Variants in NRXN1 observed in about 807,000 individuals in gnomAD.
NRXN1 encodes the protein neurexin 1, also known as neurexin-1.
In NRXN1, 39 loss-of-function variants were observed where a neutral mutation model predicts 150.9. That is an observed-to-expected ratio of 0.26 (90% CI 0.20 to 0.34). The LOEUF is 0.34. Among genes scored for constraint, NRXN1 ranks in the 10% least tolerant of loss-of-function variants. The probability of loss-of-function intolerance (pLI) is 1.00; values close to 1 mark genes in which losing one functional copy is unlikely to be tolerated. For missense variants in NRXN1, 1,815 were observed against 1,949.9 expected (o/e 0.93, Z 1.30); for synonymous variants, 924 against 757.0 (o/e 1.22, Z -3.62).
At chr2:50,834,698 A>T (rs928808219) in intron 5 of NRXN1, among the ~76,000 whole-genome samples, 39 of 152,170 alleles carry the variant, frequency 2.6e-4, no homozygotes, top group African/African-American at 7.7e-4. Context: ...TATCTGTATT[A>T]GATAAGAAGT....
At chr2:50,677,283 G>A (rs1172989365) in intron 5 of NRXN1, among the ~76,000 whole-genome samples, 3 of 152,118 alleles carry the variant, frequency 2.0e-5, no homozygotes, top group Non-Finnish European at 4.4e-5. Context: ...GTTTTCAATG[G>A]CCAACATAAT....
chr2:50,801,493 A>T (rs1574521759), intron 5 of NRXN1, among the ~76,000 whole-genome samples: 1 of 152,188 alleles, frequency 6.6e-6, no homozygotes, highest in African/African-American at 2.4e-5. Context: ...GGATATAATA[A>T]GGTCTAAATG....
At chr2:49,952,797 A>C (rs1674205178) in intron 21 of NRXN1, among the ~76,000 whole-genome samples, 1 of 152,128 alleles carries the variant, frequency 6.6e-6, no homozygotes, top group Non-Finnish European at 1.5e-5. Flanking sequence ...TACTGTCTTC[A>C]CAATGTAAGT....
At chr2:50,212,821 T>A (rs1048073848) in intron 18 of NRXN1, among the ~76,000 whole-genome samples, 4 of 152,054 alleles carry the variant, frequency 2.6e-5, no homozygotes, top group Non-Finnish European at 5.9e-5. Context: ...CAAGGTTAAA[T>A]GCAAGACAAA....
At chr2:50,477,296 G>A (rs1261177540) in intron 15 of NRXN1, among the ~76,000 whole-genome samples, 1 of 152,150 alleles carries the variant, frequency 6.6e-6, no homozygotes, top group African/African-American at 2.4e-5. Context: ...AAGGATCAAA[G>A]CAAAGCAGGC....
chr2:51,025,489 A>C (rs747384212), intron 2 of NRXN1, among the ~76,000 whole-genome samples: 1 of 152,204 alleles, frequency 6.6e-6, no homozygotes, highest in African/African-American at 2.4e-5. Flanking sequence ...TTTTCATTTA[A>C]AACACCCTCC....
At position 51,027,812 on chromosome 2, in the gene NRXN1, G is replaced by A. The variant is rs1489077061; in HGVS notation, c.462C>T (p.Phe154=). Residue 154 remains phenylalanine, a synonymous_variant, in exon 2 of 23, where the codon TTC becomes TTT. Transcript: ENST00000401669. ...GCAGTTCCGGGGGCAGCCCCCCGACGAAAAGGCCGCTGAACACCGTCATGT... is the reference window on the plus strand; with the variant it reads ...GCAGTTCCGGGGGCAGCCCCCCGACAAAAAGGCCGCTGAACACCGTCATGT... ...RRDMTVFSGL[F]VGGLPPELRA... The A allele has an allele frequency of 6.2e-7, 1 of 1,613,308 alleles. No individual in the cohort carries two copies. The highest frequency in any genetic ancestry group is 8.5e-7 in the Non-Finnish European group (1 of 1,179,658).
At chr2:50,790,552 G>C (rs546666930) in intron 5 of NRXN1, among the ~76,000 whole-genome samples, 55 of 152,226 alleles carry the variant, frequency 3.6e-4, no homozygotes, top group Non-Finnish European at 3.1e-4. Context: ...ACCTGGGAGA[G>C]AGAGGTTGCA....
chr2:50,951,729 A>T (rs1376985413), intron 2 of NRXN1, among the ~76,000 whole-genome samples: 1 of 151,858 alleles, frequency 6.6e-6, no homozygotes, highest in African/African-American at 2.4e-5. Flanking sequence ...CTACCTCACT[A>T]TGTCTTCTAT....
rs1208594855 is a variant in NRXN1, at chr2:50,447,737, T to TTTTATATA, written c.3364+17704_3364+17705insTATATAAA. Among the ~76,000 whole-genome samples, 164 of 37,908 alleles carry TTTTATATA rather than the reference T, an allele frequency of 4.3e-3. 32 individuals carry two copies. The highest frequency in any genetic ancestry group is 0.019 in the African/African-American group (116 of 6,076). The allele number at this position is 37,908 out of a possible 152,430, so 24.9% of individuals were successfully genotyped here. A position where few individuals can be genotyped will look rare whatever the true frequency, so the allele number is the denominator to read the frequency against. ...AAATCACATAGTAAGCAGGGGAACG[T>TTTTATATA]TATATATATATATATATATATATAT... On this transcript the variant is annotated intron_variant, in intron 17 of 22. Coordinates refer to ENST00000401669, the MANE Select transcript of NRXN1 (RefSeq NM_001330078.2).
intron 5 of NRXN1, chr2:50,920,007 C>A: frequency 2.5e-6 from 1 of 398,364 alleles, no homozygotes; most frequent in Non-Finnish European, 5.5e-6. Flanking sequence ...TTGAATTAAT[C>A]TGCAATTAGA....
intron 3 of NRXN1, among the ~76,000 whole-genome samples, chr2:50,925,153 C>A (rs193228977): frequency 6.6e-6 from 1 of 151,782 alleles, no homozygotes; most frequent in South Asian, 2.1e-4. Flanking sequence ...TTTTGTTATG[C>A]CTTGTTCTTT....
At chr2:50,131,075 C>G (rs1413575620) in intron 18 of NRXN1, among the ~76,000 whole-genome samples, 1 of 152,138 alleles carries the variant, frequency 6.6e-6, no homozygotes, top group Non-Finnish European at 1.5e-5. Flanking sequence ...CTCTGAAACT[C>G]ATTTTAATTT....
At chr2:50,188,856 G>C (rs2061258796) in intron 18 of NRXN1, among the ~76,000 whole-genome samples, 1 of 152,272 alleles carries the variant, frequency 6.6e-6, no homozygotes, top group African/African-American at 2.4e-5. Flanking sequence ...TCATTGAAAA[G>C]TCAGCAAACA....
At chr2:50,165,431 C>G (rs2059618684) in intron 18 of NRXN1, among the ~76,000 whole-genome samples, 1 of 152,190 alleles carries the variant, frequency 6.6e-6, no homozygotes, top group African/African-American at 2.4e-5. Context: ...TCACCGCAAC[C>G]TCCGCCTGCC....
chr2:50,318,756 A>G (rs2075804580), intron 17 of NRXN1, among the ~76,000 whole-genome samples: 1 of 152,152 alleles, frequency 6.6e-6, no homozygotes, highest in Non-Finnish European at 1.5e-5. Context: ...ATATATGATA[A>G]AACTATTTTA....
chr2:50,091,423 G>A lies in NRXN1; in HGVS notation c.3618C>T (p.Ile1206=), dbSNP rs1573859191. The change falls in exon 19 of 23, where the codon ATC becomes ATT. Residue 1206 remains isoleucine (I), a synonymous_variant. Coordinates refer to ENST00000401669, the MANE Select transcript of NRXN1 (RefSeq NM_001330078.2). The part of the protein sequence containing the change: ...DDIAIEESNA[I]INDGKYHVVR... ...CTACATGGTATTTCCCATCATTAAT[G>A]ATTGCATTGGATTCTTCAATGGCGA... The A allele has an allele frequency of 1.2e-6, 2 of 1,614,176 alleles. No homozygotes were observed.
intron 19 of NRXN1, among the ~76,000 whole-genome samples, chr2:50,065,612 G>A (rs1695235397): frequency 6.6e-6 from 1 of 152,154 alleles, no homozygotes; most frequent in Non-Finnish European, 1.5e-5. Flanking sequence ...TGAAGCAGAG[G>A]TAAGTAAAGT....
At chr2:50,850,771 G>A (rs199575763) in intron 5 of NRXN1, among the ~76,000 whole-genome samples, 4 of 151,608 alleles carry the variant, frequency 2.6e-5, no homozygotes, top group Admixed American at 6.6e-5. Context: ...TTTGAGTTGC[G>A]AAATCACTGG....
Sources: gnomAD v4.1 joint callset for allele counts (sites outside exome capture counted in the v4.1 genomes callset) on GRCh38, gnomAD v4.1.1 for gene constraint, MANE v1.5 for transcripts, NCBI Gene and HGNC (gene_info 2026-07-23, HGNC 2026-07-21) for gene names.